Variants in SIPA1L1 observed in about 807,000 individuals in gnomAD.
SIPA1L1 encodes the protein signal induced proliferation associated 1 like 1.
A neutral mutation model predicts 162.7 loss-of-function variants in SIPA1L1; 26 were observed. That is an observed-to-expected ratio of 0.16 (90% CI 0.12 to 0.22). SIPA1L1 has a LOEUF of 0.22. Ranked by LOEUF, SIPA1L1 falls within the 10% of genes least tolerant of loss-of-function variation. The probability of loss-of-function intolerance (pLI) is 1.00; values close to 1 mark genes in which losing one functional copy is unlikely to be tolerated. For missense variants in SIPA1L1, 1,874 were observed against 2,241.0 expected (o/e 0.84, Z 3.31); for synonymous variants, 829 against 837.4 (o/e 0.99, Z 0.17).
In SIPA1L1 at chr14:71,631,021, C is replaced by T. The variant is rs548853598; in HGVS notation, c.1818+6785C>T. Among the ~76,000 whole-genome samples the T allele has an allele frequency of 7.9e-5, 12 of 152,164 alleles. No homozygotes were observed. In the South Asian group the frequency reaches 1.9e-3, roughly 24 times the overall value. Reference sequence around the variant, plus strand: ...ATTTCTCCCAATGCTATCCCTCCCCCAGCCCCCCAGCCCCTGACAGGCCTG... The same window carrying T: ...ATTTCTCCCAATGCTATCCCTCCCCTAGCCCCCCAGCCCCTGACAGGCCTG... On this transcript the variant is annotated intron_variant, in intron 7 of 23. Coordinates refer to ENST00000381232, the MANE Select transcript of SIPA1L1 (RefSeq NM_001386936.1).
At chr14:71,453,985 C>T (rs936832619) in intron 2 of SIPA1L1, among the ~76,000 whole-genome samples, 2 of 96,888 alleles carry the variant, frequency 2.1e-5, no homozygotes, top group Admixed American at 1.6e-4. Context: ...GGTGACAGGG[C>T]GAGATTGTTT....
chr14:71,428,492 C>T (rs1395918243), intron 2 of SIPA1L1, among the ~76,000 whole-genome samples: 1 of 151,800 alleles, frequency 6.6e-6, no homozygotes, highest in African/African-American at 2.4e-5. Context: ...TGAGTCTGCA[C>T]CTTTCCCTGA....
At chr14:71,421,208 A>G (rs915272270) in intron 2 of SIPA1L1, among the ~76,000 whole-genome samples, 15 of 152,332 alleles carry the variant, frequency 9.8e-5, no homozygotes, top group African/African-American at 2.4e-4. Flanking sequence ...ACATTTTTCT[A>G]TTATTTACTC....
intron 5 of SIPA1L1, among the ~76,000 whole-genome samples, chr14:71,595,326 A>G (rs1486779707): frequency 6.6e-6 from 1 of 152,156 alleles, no homozygotes; most frequent in Non-Finnish European, 1.5e-5. Flanking sequence ...TGAAAAATTT[A>G]TTTTAGAATT....
chr14:71,418,318 A>G (rs926051113), intron 2 of SIPA1L1: 1 of 152,196 alleles, frequency 6.6e-6, no homozygotes, highest in Non-Finnish European at 1.5e-5. Flanking sequence ...TTGTAATTTT[A>G]TAATGGTACC....
chr14:71,392,093 A>T (rs1324780338), intron 2 of SIPA1L1, among the ~76,000 whole-genome samples: 1 of 152,208 alleles, frequency 6.6e-6, no homozygotes. Context: ...CTCAAGTCTC[A>T]ACTCTCCAAG....
At chr14:71,678,155 C>T (rs534496635) in intron 12 of SIPA1L1, among the ~76,000 whole-genome samples, 441 of 152,266 alleles carry the variant, frequency 2.9e-3, no homozygotes, top group African/African-American at 5.5e-3. Flanking sequence ...CTGATTGCCC[C>T]GGCCAGAACT....
intron 2 of SIPA1L1, among the ~76,000 whole-genome samples, chr14:71,469,132 C>T (rs923300999): frequency 2.0e-5 from 3 of 151,646 alleles, no homozygotes; most frequent in African/African-American, 7.3e-5. Flanking sequence ...GCAGAGTCCA[C>T]TGGAGTCTCA....
chr14:71,650,659 A>G (rs2042543926), intron 8 of SIPA1L1, 150 bp downstream of exon 8: 3 of 704,430 alleles, frequency 4.3e-6, no homozygotes, highest in Non-Finnish European at 7.2e-6. Flanking sequence ...AGGATGTAGC[A>G]CCAGAACAGT....
chr14:71,561,802 G>A (rs190511943), intron 4 of SIPA1L1, among the ~76,000 whole-genome samples: 15 of 152,234 alleles, frequency 9.9e-5, no homozygotes, highest in African/African-American at 3.4e-4. Flanking sequence ...GGTCAGGCTG[G>A]TCTCAAATTC....
intron 5 of SIPA1L1, among the ~76,000 whole-genome samples, chr14:71,600,684 A>T (rs377713743): frequency 1.3e-5 from 2 of 152,256 alleles, no homozygotes; most frequent in East Asian, 3.9e-4. Flanking sequence ...AAATGTTGTC[A>T]TTTTAATGAT....
At chr14:71,676,028 TG>T (rs2045132783) in intron 12 of SIPA1L1, among the ~76,000 whole-genome samples, 1 of 147,636 alleles carries the variant, frequency 6.8e-6, no homozygotes, top group Non-Finnish European at 1.5e-5. Flanking sequence ...AGGCCGAGGC[TG>T]GTGAATCATT....
At chr14:71,373,117 C>T (rs1365799224) in intron 2 of SIPA1L1, among the ~76,000 whole-genome samples, 3 of 151,842 alleles carry the variant, frequency 2.0e-5, no homozygotes, top group Non-Finnish European at 4.4e-5. Flanking sequence ...CGAGACCATC[C>T]TGGCTAACAC....
At chr14:71,322,661 G>T (rs1392861660) in intron 2 of SIPA1L1, among the ~76,000 whole-genome samples, 19 of 152,196 alleles carry the variant, frequency 1.2e-4, no homozygotes, top group Admixed American at 9.2e-4. Flanking sequence ...ATGAGTGATT[G>T]TTTCCACATA....
At chr14:71,417,048 G>A (rs2042820952) in intron 2 of SIPA1L1, among the ~76,000 whole-genome samples, 1 of 152,020 alleles carries the variant, frequency 6.6e-6, no homozygotes, top group African/African-American at 2.4e-5. Context: ...ACCGTGCCTG[G>A]CCTGCATGTA....
At chr14:71,396,239 G>A (rs1033288893) in intron 2 of SIPA1L1, among the ~76,000 whole-genome samples, 5 of 152,034 alleles carry the variant, frequency 3.3e-5, no homozygotes, top group Non-Finnish European at 7.4e-5. Context: ...CAATATGCTG[G>A]TTACCAAGCC....
rs189283862 is a variant in SIPA1L1, at chr14:71,346,169, G to A, written c.-465+24988G>A. On this transcript the variant is annotated intron_variant, in intron 2 of 23. Transcript: ENST00000381232. ...GATCTGCCTGCCTCGGCTTCCCAAAGTGCTGGGATTATAGGTGTGAGCCAC... is the reference window on the plus strand; with the variant it reads ...GATCTGCCTGCCTCGGCTTCCCAAAATGCTGGGATTATAGGTGTGAGCCAC... Among the ~76,000 whole-genome samples the A allele has an allele frequency of 3.8e-3, 580 of 152,284 alleles. 3 individuals carry two copies. Among genetic ancestry groups the A allele is most frequent in the Non-Finnish European group, 6.6e-3 (450 of 68,022 alleles).
At chr14:71,687,823 C>T (rs953303796) in intron 13 of SIPA1L1, among the ~76,000 whole-genome samples, 7 of 152,236 alleles carry the variant, frequency 4.6e-5, no homozygotes, top group African/African-American at 1.7e-4. Context: ...ATTAGAGTAG[C>T]TTGTGACTCT....
rs907636215 is a variant in SIPA1L1, at chr14:71,336,148, C to T, written c.-465+14967C>T. Among the ~76,000 whole-genome samples the T allele has an allele frequency of 7.2e-5, 11 of 152,178 alleles. 1 individual carries two copies. The South Asian group carries it at 1.2e-3, about 17-fold the overall frequency. On this transcript the variant is annotated intron_variant, in intron 2 of 23. Coordinates refer to ENST00000381232, the MANE Select transcript of SIPA1L1 (RefSeq NM_001386936.1). Reference sequence around the variant, plus strand: ...TTGCTTTTATTGGAGAGATGCTGAGCGTCTGAGGTTGCAGTAATTATTTAT... The same window carrying T: ...TTGCTTTTATTGGAGAGATGCTGAGTGTCTGAGGTTGCAGTAATTATTTAT...
Sources: allele counts gnomAD v4.1 joint callset (sites outside exome capture counted in the v4.1 genomes callset), GRCh38; gene constraint gnomAD v4.1.1; transcripts MANE v1.5; gene names NCBI Gene and HGNC (gene_info 2026-07-23, HGNC 2026-07-21).